Variants in UNC13C observed in about 807,000 individuals in gnomAD.
UNC13C encodes unc-13 homolog C.
In UNC13C, 174 loss-of-function variants were observed where a neutral mutation model predicts 245.4. That is an observed-to-expected ratio of 0.71 (90% CI 0.63 to 0.80). UNC13C has a LOEUF of 0.80. Among genes scored for constraint, UNC13C ranks in the 30% least tolerant of loss-of-function variants. UNC13C has a pLI of 0.00. For missense variants in UNC13C, 2,829 were observed against 2,602.9 expected (o/e 1.09, Z -1.89); for synonymous variants, 992 against 895.1 (o/e 1.11, Z -1.93).
chr15:54,621,179 A>G (rs1900775472), intron 30 of UNC13C, among the ~76,000 whole-genome samples: 1 of 152,170 alleles, frequency 6.6e-6, no homozygotes, highest in African/African-American at 2.4e-5. Flanking sequence ...AGTCTTTCAG[A>G]ATCTTTTGTT....
the UNC13C span, chr15:53,947,776 G>A: frequency 6.6e-6 from 1 of 152,186 alleles, no homozygotes; most frequent in African/African-American, 2.4e-5. Context: ...TCTCATCTGG[G>A]ACTTGTTCCA....
At chr15:53,995,295 T>C (rs1298836866) in intron 1 of UNC13C, among the ~76,000 whole-genome samples, 2 of 152,040 alleles carry the variant, frequency 1.3e-5, no homozygotes, top group South Asian at 2.1e-4. Context: ...AGGGCTTCTT[T>C]GTAAAGAAGG....
upstream of UNC13C, among the ~76,000 whole-genome samples, chr15:53,976,424 TGGCA>T (rs1893696635): frequency 6.6e-6 from 1 of 150,514 alleles, no homozygotes; most frequent in African/African-American, 2.4e-5. Flanking sequence ...AAACTTTTCA[TGGCA>T]CTACATACAT....
rs2140990131 is a variant in UNC13C at position 54,012,764 on chromosome 15, C to T, written c.-140C>T. On this transcript the variant is annotated 5_prime_UTR_variant, in exon 2 of 33. The change creates a premature stop within an existing upstream ORF in the 5' untranslated region. Transcript: ENST00000260323. ...TTTGCACAGGACAGCGACAATGTGG[C>T]AGAGCCATGCCTGCCCTTCCTGCTC... 2 of 668,104 alleles carry T rather than the reference C, an allele frequency of 3.0e-6. No individual in the cohort carries two copies. Among genetic ancestry groups the T allele is most frequent in the South Asian group, 4.0e-5 (2 of 49,540 alleles). 41.4% of individuals were successfully genotyped at this position (668,104 alleles called of 1,614,324 possible).
intron 30 of UNC13C, among the ~76,000 whole-genome samples, chr15:54,595,107 C>G (rs142611700): frequency 6.6e-6 from 1 of 152,188 alleles, no homozygotes; most frequent in Non-Finnish European, 1.5e-5. Context: ...AGGCATGTGT[C>G]TAAACTACTT....
intron 14 of UNC13C, among the ~76,000 whole-genome samples, chr15:54,330,355 G>A (rs1335430679): frequency 6.6e-6 from 1 of 152,000 alleles, no homozygotes; most frequent in Non-Finnish European, 1.5e-5. Flanking sequence ...GGTCATCCTT[G>A]GAGGAAAAGA....
intron 4 of UNC13C, among the ~76,000 whole-genome samples, chr15:54,194,180 A>G (rs1021647271): frequency 9.9e-5 from 15 of 152,192 alleles, no homozygotes; most frequent in Non-Finnish European, 1.9e-4. Context: ...AGACTATACA[A>G]TGACCCAAGT....
At chr15:54,128,985 G>A (rs1414589249) in intron 2 of UNC13C, among the ~76,000 whole-genome samples, 4 of 152,192 alleles carry the variant, frequency 2.6e-5, no homozygotes, top group Admixed American at 2.6e-4. Flanking sequence ...CCATTCCAGT[G>A]AGGAAGAAAG....
At chr15:54,226,599 A>G (rs889349014) in intron 4 of UNC13C, among the ~76,000 whole-genome samples, 1 of 152,154 alleles carries the variant, frequency 6.6e-6, no homozygotes, top group African/African-American at 2.4e-5. Flanking sequence ...ACTGGCCCAG[A>G]TCCTACACCA....
the UNC13C span, chr15:53,948,037 T>C: frequency 6.6e-6 from 1 of 152,184 alleles, no homozygotes; most frequent in East Asian, 1.9e-4. Flanking sequence ...TAGGTGAACA[T>C]ATTCTTAAGG....
the UNC13C span, among the ~76,000 whole-genome samples, chr15:53,873,775 G>A: frequency 1.1e-3 from 1 of 874 alleles, no homozygotes; most frequent in Admixed American, 0.019. Context: ...GAACCCCCAC[G>A]ATCAAATGAT....
chr15:54,522,435 G>A (rs1390415689), intron 24 of UNC13C, among the ~76,000 whole-genome samples: 3 of 152,038 alleles, frequency 2.0e-5, no homozygotes, highest in African/African-American at 7.2e-5. Context: ...CCAAGATCGG[G>A]CCACTGCACT....
intron 2 of UNC13C, among the ~76,000 whole-genome samples, chr15:54,110,231 G>C (rs1341899484): frequency 2.0e-5 from 3 of 151,360 alleles, no homozygotes; most frequent in African/African-American, 7.3e-5. Context: ...AGTGAGCCAA[G>C]ATTGTGCCAA....
intron 1 of UNC13C, among the ~76,000 whole-genome samples, chr15:53,991,339 A>G (rs530284491): frequency 1.3e-5 from 2 of 152,000 alleles, no homozygotes; most frequent in Admixed American, 6.6e-5. Context: ...GTCTAAAATT[A>G]TGTGGGTGGG....
chr15:54,505,008 G>A (rs1168350569), intron 22 of UNC13C, among the ~76,000 whole-genome samples: 1 of 152,102 alleles, frequency 6.6e-6, no homozygotes, highest in Non-Finnish European at 1.5e-5. Flanking sequence ...TTTAAATGCA[G>A]CAGAATCACT....
intron 2 of UNC13C, among the ~76,000 whole-genome samples, chr15:54,116,350 C>T (rs922955766): frequency 8.6e-5 from 13 of 152,040 alleles, no homozygotes; most frequent in African/African-American, 3.1e-4. Flanking sequence ...CACTTCTGTT[C>T]TATTGAACAT....
chr15:54,215,916 A>G (rs952911858), intron 4 of UNC13C, among the ~76,000 whole-genome samples: 9 of 152,002 alleles, frequency 5.9e-5, no homozygotes, highest in Non-Finnish European at 7.4e-5. Flanking sequence ...CAGAAGATAG[A>G]TGCAGCCATT....
At chr15:54,538,389 T>C (rs572408951) in intron 26 of UNC13C, among the ~76,000 whole-genome samples, 105 of 152,144 alleles carry the variant, frequency 6.9e-4, no homozygotes, top group Non-Finnish European at 8.7e-4. Context: ...GCTTATACAC[T>C]GCTGGTAGGA....
intron 1 of UNC13C, among the ~76,000 whole-genome samples, 200 bp downstream of exon 1, chr15:53,979,127 T>C (rs1049514689): frequency 4.8e-5 from 6 of 126,140 alleles, no homozygotes; most frequent in African/African-American, 1.3e-4. Flanking sequence ...TTCTCAGTCA[T>C]TGCTTTTAAA....
Sources: gnomAD v4.1 joint callset for allele counts (sites outside exome capture counted in the v4.1 genomes callset) on GRCh38, gnomAD v4.1.1 for gene constraint, MANE v1.5 for transcripts, NCBI Gene and HGNC (gene_info 2026-07-23, HGNC 2026-07-21) for gene names.